Variants in CHD9 observed in about 807,000 individuals in gnomAD.
CHD9 encodes the protein ATP-dependent chromatin remodeler CHD9.
In CHD9, 77 loss-of-function variants were observed where a neutral mutation model predicts 316.1. The ratio of observed to expected loss-of-function variants is 0.24; its 90% CI spans 0.20 to 0.29. The LOEUF (loss-of-function observed/expected upper bound fraction) is 0.29. Among genes scored for constraint, CHD9 ranks in the 10% least tolerant of loss-of-function variants. CHD9 has a pLI of 1.00. For missense variants in CHD9, 2,763 were observed against 3,438.1 expected, an observed-to-expected ratio of 0.80 and a Z score of 4.91; for synonymous variants, 1,129 against 1,158.3, an observed-to-expected ratio of 0.97 and a Z score of 0.51.
At chr16:53,318,394 C>T in intron 37 of CHD9, 54 bp downstream of exon 37, 1 of 1,350,664 alleles carries the variant, frequency 7.4e-7, no homozygotes, top group Non-Finnish European at 1.0e-6. Flanking sequence ...TTTAAGAGAT[C>T]TCCAGAACAC....
chr16:53,296,658 T>C (rs1452307983), intron 29 of CHD9, among the ~76,000 whole-genome samples: 4 of 151,852 alleles, frequency 2.6e-5, no homozygotes, highest in African/African-American at 7.3e-5. Context: ...TGTTAGCCAG[T>C]ATGGTCTCTA....
intron 1 of CHD9, among the ~76,000 whole-genome samples, chr16:53,056,097 C>T (rs2032076376): frequency 6.6e-6 from 1 of 152,144 alleles, no homozygotes; most frequent in African/African-American, 2.4e-5. Context: ...CACTATATTC[C>T]CCAGGATGGT....
intron 22 of CHD9, among the ~76,000 whole-genome samples, chr16:53,271,387 G>A (rs2052245630): frequency 6.6e-6 from 1 of 151,914 alleles, no homozygotes; most frequent in African/African-American, 2.4e-5. Flanking sequence ...TGGCCAACAT[G>A]GTGAAACCCC....
At chr16:53,133,078 TA>T (rs1342780460) in intron 1 of CHD9, among the ~76,000 whole-genome samples, 2 of 152,192 alleles carry the variant, frequency 1.3e-5, no homozygotes, top group East Asian at 3.8e-4. Flanking sequence ...ATAGACCATA[TA>T]ATGTAGACGT....
intron 22 of CHD9, among the ~76,000 whole-genome samples, chr16:53,270,635 G>T (rs947421862): frequency 3.9e-5 from 6 of 152,050 alleles, no homozygotes; most frequent in African/African-American, 1.4e-4. Context: ...GTATATACTT[G>T]TATTCTATAA....
intron 30 of CHD9, among the ~76,000 whole-genome samples, chr16:53,301,088 A>G (rs2055359169): frequency 6.6e-6 from 1 of 152,194 alleles, no homozygotes; most frequent in South Asian, 2.1e-4. Context: ...AAGAAAAAAA[A>G]CAAAACAAAA....
chr16:53,296,848 T>C, intron 29 of CHD9, 108 bp from the exon 30 acceptor site: 2 of 695,606 alleles, frequency 2.9e-6, no homozygotes, highest in Non-Finnish European at 4.8e-6. Flanking sequence ...AATCCTATAG[T>C]GTTAGGTACT....
intron 1 of CHD9, among the ~76,000 whole-genome samples, chr16:53,086,110 T>G (rs11860145): frequency 6.6e-6 from 1 of 151,958 alleles, no homozygotes; most frequent in African/African-American, 2.4e-5. Context: ...AACAGCCACA[T>G]GCCCAGAGCT....
At chr16:53,167,428 A>G (rs950031665) in intron 2 of CHD9, among the ~76,000 whole-genome samples, 1 of 152,046 alleles carries the variant, frequency 6.6e-6, no homozygotes, top group South Asian at 2.1e-4. Flanking sequence ...AAATTGTCCT[A>G]CTTTCCTATT....
intron 2 of CHD9, among the ~76,000 whole-genome samples, chr16:53,165,174 G>A (rs1281516992): frequency 6.6e-6 from 1 of 152,176 alleles, no homozygotes; most frequent in Non-Finnish European, 1.5e-5. Context: ...GCTTAGATAT[G>A]TCACAGAAAG....
chr16:53,194,377 C>T (rs2044722621), intron 2 of CHD9, among the ~76,000 whole-genome samples: 1 of 152,006 alleles, frequency 6.6e-6, no homozygotes, highest in African/African-American at 2.4e-5. Context: ...GAGTTTGAGA[C>T]CAGCCTGGGC....
rs149239745 is a variant in CHD9 at position 53,244,166 on chromosome 16, A to G, written c.3054+1150A>G. On this transcript the variant is annotated intron_variant, in intron 13 of 38. Transcript: ENST00000447540. ...CTTTTACTATTCTGTTTAATTTTTAAGGAATTGTAGTTTCAAAGCATATTT... is the reference window on the plus strand; with the variant it reads ...CTTTTACTATTCTGTTTAATTTTTAGGGAATTGTAGTTTCAAAGCATATTT... Among the ~76,000 whole-genome samples the G allele has an allele frequency of 1.4e-3, 211 of 151,548 alleles. 2 individuals carry two copies. The highest frequency in any genetic ancestry group is 2.8e-3 in the Admixed American group (42 of 15,216).
intron 1 of CHD9, among the ~76,000 whole-genome samples, chr16:53,105,328 G>A (rs899329117): frequency 2.0e-5 from 3 of 152,026 alleles, no homozygotes; most frequent in Non-Finnish European, 4.4e-5. Flanking sequence ...ATATATGTAT[G>A]TAAATGTATA....
In CHD9 at chr16:53,245,235, T is replaced by A; in HGVS notation, c.3055-101T>A. The A allele has an allele frequency of 1.2e-6, 1 of 815,328 alleles. No individual in the cohort carries two copies. Among genetic ancestry groups the A allele is most frequent in the Non-Finnish European group, 1.8e-6 (1 of 546,026 alleles). 50.5% of individuals were successfully genotyped at this position (815,328 alleles called of 1,614,324 possible). On this transcript the variant is annotated intron_variant, in intron 13 of 38. Transcript: ENST00000447540. This position sits in a 1 kb window ranked among gnomAD's most constrained non-coding sequence, Gnocchi z 4.1. ...ATAACATATATATATGTATATATAG[T>A]CAGAAAAATATTTGCATATTGATCA...
In CHD9 at chr16:53,112,267, A is replaced by G. The variant is rs148093067; in HGVS notation, c.-164-43659A>G. Reference sequence around the variant, plus strand: ...AAGTTTGTTGCCCTAATCTTAACTGATAAGAGGGCCCCTGAATTTAAGTAG... The same window carrying G: ...AAGTTTGTTGCCCTAATCTTAACTGGTAAGAGGGCCCCTGAATTTAAGTAG... On this transcript the variant is annotated intron_variant, in intron 1 of 38. Coordinates refer to ENST00000447540, the MANE Select transcript of CHD9 (RefSeq NM_001308319.2). Among the ~76,000 whole-genome samples, 4 of 152,312 alleles carry G rather than the reference A, an allele frequency of 2.6e-5. No homozygotes were observed. The East Asian group carries it at 7.7e-4, about 29-fold the overall frequency.
intron 2 of CHD9, among the ~76,000 whole-genome samples, chr16:53,202,246 G>C (rs952391941): frequency 7.9e-5 from 12 of 152,076 alleles, no homozygotes; most frequent in Admixed American, 3.9e-4. Context: ...TCAAATATCT[G>C]GTCAGGGTTT....
chr16:53,075,718 G>A (rs1245446838), intron 1 of CHD9, among the ~76,000 whole-genome samples: 1 of 152,162 alleles, frequency 6.6e-6, no homozygotes, highest in Non-Finnish European at 1.5e-5. Context: ...CCTGCCATGT[G>A]GAACTGTAAG....
intron 2 of CHD9, chr16:53,168,654 T>C (rs1168258901): frequency 3.9e-5 from 6 of 152,168 alleles, no homozygotes; most frequent in African/African-American, 1.4e-4. Context: ...TGCAAAACTT[T>C]CAGTGGCAAA....
chr16:53,114,481 C>G (rs1329551824), intron 1 of CHD9, among the ~76,000 whole-genome samples: 1 of 152,226 alleles, frequency 6.6e-6, no homozygotes, highest in Non-Finnish European at 1.5e-5. Flanking sequence ...TGGTCTCTAA[C>G]TCCTGACCTC....
Sources: gnomAD v4.1 joint callset for allele counts (sites outside exome capture counted in the v4.1 genomes callset) on GRCh38, gnomAD v4.1.1 for gene constraint, Gnocchi (gnomAD v3.1) non-coding constraint, MANE v1.5 for transcripts, NCBI Gene and HGNC (gene_info 2026-07-23, HGNC 2026-07-21) for gene names.